Variants in CHCHD3 observed in about 807,000 individuals in gnomAD.
CHCHD3 encodes coiled-coil-helix-coiled-coil-helix domain containing 3, also known as MICOS complex subunit MIC19.
Under a neutral mutation model 38.2 loss-of-function variants are expected in CHCHD3, and 20 were observed. The observed-to-expected ratio is 0.52, with a 90% CI of 0.37 to 0.76. The LOEUF is 0.76. Ranked by LOEUF, CHCHD3 falls within the 30% of genes least tolerant of loss-of-function variation. The pLI is 0.00. For synonymous variants in CHCHD3, 82 were observed against 100.0 expected (o/e 0.82, Z 1.07); for missense variants, 245 against 279.2 (o/e 0.88, Z 0.87).
intron 4 of CHCHD3, among the ~76,000 whole-genome samples, chr7:132,930,874 A>G (rs1810496777): frequency 6.6e-6 from 1 of 152,198 alleles, no homozygotes; most frequent in African/African-American, 2.4e-5. Context: ...CTTCTAAGAA[A>G]TTGTACCAGG....
chr7:132,821,339 T>C (rs1472384090), intron 6 of CHCHD3, among the ~76,000 whole-genome samples: 1 of 152,156 alleles, frequency 6.6e-6, no homozygotes, highest in Non-Finnish European at 1.5e-5. Flanking sequence ...ACTGTGGGGT[T>C]TGGGTGGGGT....
chr7:133,057,117 TGGTTCGGCTG>T (rs780991213), intron 2 of CHCHD3, among the ~76,000 whole-genome samples: 12 of 152,224 alleles, frequency 7.9e-5, no homozygotes, highest in Admixed American at 3.9e-4. Flanking sequence ...CAATTGGGTC[TGGTTCGGCTG>T]GTTCAAGTTA....
intron 4 of CHCHD3, among the ~76,000 whole-genome samples, chr7:132,898,418 A>C (rs540600113): frequency 6.6e-6 from 1 of 152,298 alleles, no homozygotes; most frequent in East Asian, 1.9e-4. Flanking sequence ...GTGTGGACAC[A>C]AAGGTTCTCC....
Position 133,023,310 on chromosome 7 carries a change from A to G in CHCHD3, c.251+1236T>C, listed in dbSNP as rs552530057. ...ATCTAAAATTCATATTCTGTTCTGT[A>G]TATTTTGTGTAAATTGGGAGTTAGT... On this transcript the variant is annotated intron_variant, in intron 3 of 7. Transcript: ENST00000262570. 2.6e-5 allele frequency among the ~76,000 whole-genome samples: 4 copies of G among 152,314 alleles called. No individual in the cohort carries two copies. The South Asian group carries it at 8.3e-4, about 32-fold the overall frequency.
intron 5 of CHCHD3, among the ~76,000 whole-genome samples, chr7:132,853,550 A>G (rs1243750391): frequency 1.3e-5 from 2 of 152,152 alleles, no homozygotes; most frequent in African/African-American, 2.4e-5. Context: ...TGGACCTGGG[A>G]GGCGGAGGTT....
At chr7:132,919,141 C>T (rs1810195912) in intron 4 of CHCHD3, among the ~76,000 whole-genome samples, 1 of 97,892 alleles carries the variant, frequency 1.0e-5, no homozygotes, top group Non-Finnish European at 1.8e-5. Flanking sequence ...CGGAGTCTTG[C>T]TCTGTCGCCC....
intron 2 of CHCHD3, among the ~76,000 whole-genome samples, chr7:133,034,452 T>C (rs997151031): frequency 1.3e-5 from 2 of 151,390 alleles, no homozygotes; most frequent in African/African-American, 4.8e-5. Flanking sequence ...TATATGATAC[T>C]TTTAAAAAAA....
chr7:132,966,493 T>G lies in CHCHD3; in HGVS notation c.369+8676A>C, dbSNP rs575861721. ...GAAAAGGAATACAGAGCTGTGATAT[T>G]CAACACTGTGAAAAATTTAACATCC... On this transcript the variant is annotated intron_variant, in intron 4 of 7. Coordinates refer to ENST00000262570, the MANE Select transcript of CHCHD3 (RefSeq NM_017812.4). 4.3e-4 allele frequency among the ~76,000 whole-genome samples: 66 copies of G among 152,306 alleles called. 1 individual carries two copies. Among genetic ancestry groups the G allele is most frequent in the African/African-American group, 1.6e-3 (66 of 41,556 alleles).
intron 4 of CHCHD3, among the ~76,000 whole-genome samples, chr7:132,903,576 G>A (rs931874740): frequency 1.3e-5 from 2 of 152,116 alleles, no homozygotes; most frequent in Admixed American, 6.5e-5. Flanking sequence ...CCATCTCTAG[G>A]TTTGAACCCA....
chr7:132,978,319 T>G (rs370659856), intron 3 of CHCHD3, among the ~76,000 whole-genome samples: 3 of 152,208 alleles, frequency 2.0e-5, no homozygotes, highest in African/African-American at 7.2e-5. Context: ...TGCTTTATTT[T>G]TATGATCTCT....
chr7:132,936,911 C>T (rs1371895923), intron 4 of CHCHD3, among the ~76,000 whole-genome samples: 1 of 152,102 alleles, frequency 6.6e-6, no homozygotes, highest in African/African-American at 2.4e-5. Flanking sequence ...TAGCCATTGT[C>T]AAGAAAATTG....
At chr7:132,824,342 G>C (rs908866102) in intron 6 of CHCHD3, among the ~76,000 whole-genome samples, 2 of 51,686 alleles carry the variant, frequency 3.9e-5, no homozygotes. Flanking sequence ...TTTTTGAGAC[G>C]GAGTCTCGCT....
intron 7 of CHCHD3, among the ~76,000 whole-genome samples, chr7:132,793,656 G>A (rs1272126120): frequency 2.0e-5 from 3 of 152,142 alleles, no homozygotes; most frequent in Non-Finnish European, 2.9e-5. Context: ...AATGCCCCAG[G>A]GAACCCGTGA....
chr7:133,075,823 G>C (rs1318178539), intron 1 of CHCHD3, among the ~76,000 whole-genome samples: 1 of 152,100 alleles, frequency 6.6e-6, no homozygotes, highest in African/African-American at 2.4e-5. Flanking sequence ...ACTTTGGGAG[G>C]CCAAGGCAGG....
chr7:132,831,426 T>G (rs1390875990), intron 6 of CHCHD3, among the ~76,000 whole-genome samples: 1 of 152,154 alleles, frequency 6.6e-6, no homozygotes, highest in Non-Finnish European at 1.5e-5. Flanking sequence ...AGGTTATAAG[T>G]AGACATCAAT....
At chr7:132,962,445 A>G (rs1250056495) in intron 4 of CHCHD3, among the ~76,000 whole-genome samples, 1 of 152,224 alleles carries the variant, frequency 6.6e-6, no homozygotes, top group Non-Finnish European at 1.5e-5. Flanking sequence ...CAAAGGGCAT[A>G]AAGAAAAGGA....
chr7:132,824,286 GA>G (rs1212606024), intron 6 of CHCHD3, among the ~76,000 whole-genome samples: 1 of 127,456 alleles, frequency 7.8e-6, no homozygotes, highest in African/African-American at 2.8e-5. Context: ...ATAGGTGAAA[GA>G]AAAAAATATT....
At chr7:132,840,135 T>C (rs1186555308) in intron 5 of CHCHD3, among the ~76,000 whole-genome samples, 1 of 152,236 alleles carries the variant, frequency 6.6e-6, no homozygotes, top group African/African-American at 2.4e-5. Flanking sequence ...TCATCTCAGA[T>C]ACTTAACTTA....
intron 5 of CHCHD3, among the ~76,000 whole-genome samples, chr7:132,874,960 G>C (rs986085653): frequency 1.3e-5 from 2 of 151,926 alleles, no homozygotes; most frequent in Admixed American, 1.3e-4. Context: ...GCAATCCCAG[G>C]GTGCTTTCAG....
Sources: allele counts gnomAD v4.1 joint callset (sites outside exome capture counted in the v4.1 genomes callset), GRCh38; gene constraint gnomAD v4.1.1; transcripts MANE v1.5; gene names NCBI Gene and HGNC (gene_info 2026-07-23, HGNC 2026-07-21).